The following PBRM1 variants were observed in gnomAD, a reference collection of about 807,000 sequenced individuals.
PBRM1 encodes polybromo 1, also known as protein polybromo-1.
In PBRM1, 27 loss-of-function variants were observed where a neutral mutation model predicts 194.5. That is an observed-to-expected ratio of 0.14 (90% confidence interval 0.10 to 0.19). The LOEUF is 0.19. Ranked by LOEUF, PBRM1 falls within the 10% of genes least tolerant of loss-of-function variation. PBRM1 has a pLI of 1.00. For missense variants in PBRM1, 1,466 were observed against 2,077.2 expected, an observed-to-expected ratio of 0.71 and a Z score of 5.72; for synonymous variants, 655 against 693.2, an observed-to-expected ratio of 0.94 and a Z score of 0.87.
At chr3:52,671,792 A>G (rs1405383088) in intron 2 of PBRM1, among the ~76,000 whole-genome samples, 1 of 152,212 alleles carries the variant, frequency 6.6e-6, no homozygotes, top group Non-Finnish European at 1.5e-5. Context: ...GGCCATGGCT[A>G]ATTTGCTAAT....
exon 5 of PBRM1, chr3:52,658,239 C>T (rs759776302): frequency 1.2e-5 from 20 of 1,611,912 alleles, no homozygotes; most frequent in East Asian, 2.2e-5. Flanking sequence ...GCTAATGAGA[C>T]GTCCTGATGG....
At chr3:52,583,994 G>C (rs896853632) in intron 20 of PBRM1, among the ~76,000 whole-genome samples, 21 of 151,968 alleles carry the variant, frequency 1.4e-4, no homozygotes, top group Admixed American at 1.2e-3. Context: ...ACATCTGGCA[G>C]GGCAAAGTTC....
chr3:52,618,462 T>C (rs2095089620), intron 13 of PBRM1, among the ~76,000 whole-genome samples: 1 of 152,204 alleles, frequency 6.6e-6, no homozygotes, highest in Non-Finnish European at 1.5e-5. Context: ...GGCTTCCGGT[T>C]AACTATTCTT....
downstream of PBRM1, chr3:52,546,509 T>C (rs1357596693): frequency 4.4e-6 from 1 of 229,870 alleles, no homozygotes; most frequent in Non-Finnish European, 8.6e-6. Flanking sequence ...TTTTCCATTC[T>C]ACACTCTTTT....
At chr3:52,656,820 T>C (rs1184834620) in intron 5 of PBRM1, among the ~76,000 whole-genome samples, 2 of 152,086 alleles carry the variant, frequency 1.3e-5, no homozygotes, top group African/African-American at 4.8e-5. Flanking sequence ...ACCCAGCTAC[T>C]TGGGAGGCTG....
chr3:52,655,645 T>C (rs575699250), intron 5 of PBRM1, among the ~76,000 whole-genome samples: 2 of 152,356 alleles, frequency 1.3e-5, no homozygotes, highest in African/African-American at 4.8e-5. Context: ...ATCATCATAC[T>C]GTTTTCTCCT....
At chr3:52,627,784 T>C (rs1216518312) in intron 12 of PBRM1, among the ~76,000 whole-genome samples, 1 of 152,204 alleles carries the variant, frequency 6.6e-6, no homozygotes, top group African/African-American at 2.4e-5. Context: ...AAAGATCTAC[T>C]TTTCAACACA....
chr3:52,598,917 G>C (rs1237885654), intron 17 of PBRM1, among the ~76,000 whole-genome samples: 1 of 151,872 alleles, frequency 6.6e-6, no homozygotes, highest in Non-Finnish European at 1.5e-5. Context: ...AGCTACTCAG[G>C]AGGCTGAGGC....
At chr3:52,666,764 C>T (rs1365627044) in intron 3 of PBRM1, among the ~76,000 whole-genome samples, 1 of 151,150 alleles carries the variant, frequency 6.6e-6, no homozygotes, top group Non-Finnish European at 1.5e-5. Context: ...TGATGGTGCG[C>T]ACCTGTAGTC....
At chr3:52,563,254 G>T in intron 24 of PBRM1, 29 bp downstream of exon 26, 1 of 1,570,284 alleles carries the variant, frequency 6.4e-7, no homozygotes, top group Non-Finnish European at 8.7e-7. Context: ...GTGGTAATAA[G>T]ATAAGTAACA....
In PBRM1 at chr3:52,666,510, T is replaced by C. The variant is rs1473825293; in HGVS notation, c.384+1988A>G. Among the ~76,000 whole-genome samples, 10 of 151,360 alleles carry C rather than the reference T, an allele frequency of 6.6e-5. No individual in the cohort carries two copies. The East Asian group carries it at 1.8e-3, about 27-fold the overall frequency. On this transcript the variant is annotated intron_variant, in intron 3 of 29. Coordinates refer to ENST00000296302, the Ensembl canonical transcript of PBRM1. The stretch of plus-strand genomic sequence containing the variant: ...GAGATCGCGCCACTGCACTCCAGCC[T>C]GGGCAACAGAGCGAGACTCCATCTC...
intron 10 of PBRM1, among the ~76,000 whole-genome samples, chr3:52,635,638 T>A (rs2095783202): frequency 6.6e-6 from 1 of 152,120 alleles, no homozygotes; most frequent in Non-Finnish European, 1.5e-5. Context: ...TTAACATAAT[T>A]GCATGTTTAG....
chr3:52,595,954 C>T (rs988460794), intron 17 of PBRM1, among the ~76,000 whole-genome samples: 11 of 152,074 alleles, frequency 7.2e-5, no homozygotes, highest in Non-Finnish European at 5.9e-5. Flanking sequence ...TCACTGTAGA[C>T]GTATGGATTT....
upstream of PBRM1, among the ~76,000 whole-genome samples, chr3:52,683,816 C>CAAAAAAAAAGTGCACTTGAGACCTCCA (rs534363136): frequency 2.1e-5 from 3 of 146,280 alleles, no homozygotes; most frequent in Admixed American, 6.8e-5. Context: ...AGACTGTCTC[C>CAAAAAAAAAGTGCACTTGAGACCTCCA]AAAAAAAACA....
intron 26 of PBRM1, among the ~76,000 whole-genome samples, chr3:52,557,499 G>T (rs1422967163): frequency 6.6e-6 from 1 of 152,158 alleles, no homozygotes; most frequent in Non-Finnish European, 1.5e-5. Flanking sequence ...GAAGTGGTCT[G>T]CAGACTTCTC....
intron 17 of PBRM1, among the ~76,000 whole-genome samples, chr3:52,596,275 T>C (rs374732819): frequency 2.0e-5 from 3 of 151,046 alleles, no homozygotes; most frequent in South Asian, 4.2e-4. Flanking sequence ...CCGTCTCTAC[T>C]AAAAATATAA....
chr3:52,642,193 T>C (rs2096119237), intron 9 of PBRM1, 148 bp from the exon 11 acceptor site: 4 of 607,150 alleles, frequency 6.6e-6, no homozygotes, highest in East Asian at 2.8e-5. Flanking sequence ...CTGTACTTAA[T>C]GGTTCTCATA....
intron 22 of PBRM1, among the ~76,000 whole-genome samples, chr3:52,572,332 T>C (rs1221601726): frequency 6.6e-6 from 1 of 151,980 alleles, no homozygotes; most frequent in East Asian, 1.9e-4. Flanking sequence ...GGGTTAAGGG[T>C]AGAGGTACTG....
At chr3:52,683,231 G>A (rs1390061735), upstream of PBRM1, among the ~76,000 whole-genome samples, 1 of 151,364 alleles carries the variant, frequency 6.6e-6, no homozygotes, top group African/African-American at 2.4e-5. Context: ...AAAATTAGCT[G>A]GCTGAGGCAG....
Sources: allele counts gnomAD v4.1 joint callset (sites outside exome capture counted in the v4.1 genomes callset), GRCh38; gene constraint gnomAD v4.1.1; transcripts MANE v1.5; gene names NCBI Gene and HGNC (gene_info 2026-07-23, HGNC 2026-07-21).